Variants in CNTN4 observed in about 807,000 individuals in gnomAD.
CNTN4 encodes contactin-4.
In CNTN4, 77 loss-of-function variants were observed where a neutral mutation model predicts 122.5. That is an observed-to-expected ratio of 0.63 (90% confidence interval 0.52 to 0.76). The LOEUF (loss-of-function observed/expected upper bound fraction) is 0.76. Among genes scored for constraint, CNTN4 ranks in the 30% least tolerant of loss-of-function variants. CNTN4 has a pLI of 0.00. For synonymous variants in CNTN4, 512 were observed against 447.0 expected (o/e 1.15, Z -1.83); for missense variants, 1,256 against 1,259.1 (o/e 1.00, Z 0.04).
At chr3:2,523,709 A>C (rs934025889) in intron 3 of CNTN4, among the ~76,000 whole-genome samples, 1 of 152,106 alleles carries the variant, frequency 6.6e-6, no homozygotes, top group South Asian at 2.1e-4. Flanking sequence ...AGTCTCTCTG[A>C]AATGTGCAAA....
At chr3:2,287,705 A>AGAAGAG (rs1157523726) in intron 2 of CNTN4, among the ~76,000 whole-genome samples, 1 of 72,050 alleles carries the variant, frequency 1.4e-5, no homozygotes, top group Non-Finnish European at 2.7e-5. Flanking sequence ...AAGAAGAAGA[A>AGAAGAG]GAAGAGGAAG....
chr3:2,405,924 G>A (rs1294412094), intron 3 of CNTN4, among the ~76,000 whole-genome samples: 1 of 152,080 alleles, frequency 6.6e-6, no homozygotes, highest in African/African-American at 2.4e-5. Context: ...CTACTCAGGA[G>A]GCTGAGGTGG....
At chr3:2,535,279 T>C (rs1245969518) in intron 3 of CNTN4, among the ~76,000 whole-genome samples, 6 of 152,142 alleles carry the variant, frequency 3.9e-5, no homozygotes, top group Non-Finnish European at 8.8e-5. Flanking sequence ...CTGTCCTCAA[T>C]TCTTTCTAAA....
At chr3:2,785,667 C>A (rs1230285763) in intron 6 of CNTN4, among the ~76,000 whole-genome samples, 3 of 152,170 alleles carry the variant, frequency 2.0e-5, no homozygotes, top group Non-Finnish European at 2.9e-5. Flanking sequence ...AATGAGTGGT[C>A]AGGAAAACCC....
intron 4 of CNTN4, among the ~76,000 whole-genome samples, chr3:2,687,223 CA>C (rs796089868): frequency 3.5e-4 from 3 of 8,606 alleles, no homozygotes; most frequent in African/African-American, 1.2e-3. Context: ...TGCAGTGCGG[CA>C]ATAGCCTAAA....
chr3:2,192,919 G>C (rs2149347817), intron 2 of CNTN4, among the ~76,000 whole-genome samples: 1 of 152,174 alleles, frequency 6.6e-6, no homozygotes. Flanking sequence ...GTGTTTTGCT[G>C]TGTGATCCAG....
intron 4 of CNTN4, among the ~76,000 whole-genome samples, chr3:2,722,415 TTC>T (rs1357277449): frequency 6.6e-6 from 1 of 152,124 alleles, no homozygotes; most frequent in Non-Finnish European, 1.5e-5. Context: ...GTTGACATGT[TTC>T]TCAAGCAAGC....
At chr3:2,359,117 G>A (rs548719697) in intron 3 of CNTN4, among the ~76,000 whole-genome samples, 3 of 152,270 alleles carry the variant, frequency 2.0e-5, no homozygotes, top group Non-Finnish European at 4.4e-5. Context: ...TTTATTTGCA[G>A]ATTTTAATCA....
intron 10 of CNTN4, among the ~76,000 whole-genome samples, chr3:2,898,635 A>T (rs909251056): frequency 6.6e-6 from 1 of 152,234 alleles, no homozygotes; most frequent in Non-Finnish European, 1.5e-5. Flanking sequence ...GAAATCTATG[A>T]CATTGAAATC....
At chr3:2,401,193 A>G (rs1253922451) in intron 3 of CNTN4, among the ~76,000 whole-genome samples, 1 of 152,078 alleles carries the variant, frequency 6.6e-6, no homozygotes, top group African/African-American at 2.4e-5. Context: ...CGTTCTTTGG[A>G]TCTCATGATT....
At chr3:2,235,807 A>G (rs1382631742) in intron 2 of CNTN4, among the ~76,000 whole-genome samples, 2 of 152,148 alleles carry the variant, frequency 1.3e-5, no homozygotes, top group Non-Finnish European at 2.9e-5. Flanking sequence ...TATTGTTACA[A>G]TACATCCACT....
intron 6 of CNTN4, among the ~76,000 whole-genome samples, chr3:2,780,040 G>A (rs1446206153): frequency 6.6e-6 from 1 of 152,152 alleles, no homozygotes; most frequent in African/African-American, 2.4e-5. Context: ...TAGTGGGGAG[G>A]TCTTAATCCC....
intron 14 of CNTN4, among the ~76,000 whole-genome samples, chr3:3,001,245 C>G (rs1023255880): frequency 7.2e-5 from 11 of 152,284 alleles, no homozygotes; most frequent in African/African-American, 2.4e-4. Flanking sequence ...GCTACACAAC[C>G]TCAAGTCTCT....
chr3:2,901,254 G>T (rs1233079433), intron 11 of CNTN4, among the ~76,000 whole-genome samples: 1 of 152,166 alleles, frequency 6.6e-6, no homozygotes, highest in East Asian at 1.9e-4. Context: ...TGAGAATGAG[G>T]AACAATTGTG....
In CNTN4 at chr3:2,179,260, A is replaced by C. The variant is rs2036900543; in HGVS notation, c.-145+78621A>C. The stretch of plus-strand genomic sequence containing the variant: ...GATTAAAATATTTCTGGTCAAATAA[A>C]AATTATCCGTGAGAGTATTTTTTGG... On this transcript the variant is annotated intron_variant, in intron 2 of 24. Transcript: ENST00000418658. Among the ~76,000 whole-genome samples, 3 of 152,170 alleles carry C rather than the reference A, an allele frequency of 2.0e-5. No individual in the cohort carries two copies. The South Asian group carries it at 6.2e-4, about 32-fold the overall frequency.
chr3:2,219,036 A>T (rs916827040), intron 2 of CNTN4, among the ~76,000 whole-genome samples: 1 of 152,228 alleles, frequency 6.6e-6, no homozygotes, highest in Non-Finnish European at 1.5e-5. Context: ...AGGATTACAA[A>T]GGGCTTGCAC....
chr3:2,661,054 G>A (rs1252574212), intron 4 of CNTN4, among the ~76,000 whole-genome samples: 12 of 152,112 alleles, frequency 7.9e-5, no homozygotes, highest in African/African-American at 2.4e-4. Flanking sequence ...GTTAAGGAGC[G>A]GAGGTAAAGG....
At chr3:2,632,603 C>A (rs972986397) in intron 4 of CNTN4, among the ~76,000 whole-genome samples, 1 of 152,148 alleles carries the variant, frequency 6.6e-6, no homozygotes. Context: ...CAGTATTATC[C>A]TTGAGCCTCT....
intron 4 of CNTN4, among the ~76,000 whole-genome samples, chr3:2,599,572 T>G (rs1471135001): frequency 6.6e-6 from 1 of 152,192 alleles, no homozygotes; most frequent in Non-Finnish European, 1.5e-5. Context: ...CAGAAGACAC[T>G]CAGACAGCCC....
Sources: allele counts gnomAD v4.1 joint callset (sites outside exome capture counted in the v4.1 genomes callset), GRCh38; gene constraint gnomAD v4.1.1; transcripts MANE v1.5; gene names NCBI Gene and HGNC (gene_info 2026-07-23, HGNC 2026-07-21).